The following SPOCK1 variants were observed in gnomAD, a reference collection of about 807,000 sequenced individuals.
The protein encoded by SPOCK1 is testican-1.
SPOCK1 carries 23 observed loss-of-function variants against 55.3 expected under a neutral mutation model. The observed-to-expected ratio is 0.42, with a 90% CI of 0.30 to 0.59. SPOCK1 has a LOEUF of 0.59. Among genes scored for constraint, SPOCK1 ranks in the 20% least tolerant of loss-of-function variants. The pLI is 0.22. For synonymous variants in SPOCK1, 226 were observed against 221.0 expected (o/e 1.02, Z -0.20); for missense variants, 499 against 552.5 (o/e 0.90, Z 0.97).
chr5:137,244,190 A>G (rs1179263297), intron 3 of SPOCK1, among the ~76,000 whole-genome samples: 1 of 152,252 alleles, frequency 6.6e-6, no homozygotes, highest in African/African-American at 2.4e-5. Flanking sequence ...ACTATATTAC[A>G]TTCAATAGAG....
chr5:137,337,567 C>T lies in SPOCK1; in HGVS notation c.187-70512G>A, dbSNP rs144234383. Reference sequence around the variant, plus strand: ...CTTCCGGACATTCTGACTAAAGACACCTAATAACTCAAGTTACAGGATCAG... The same window carrying T: ...CTTCCGGACATTCTGACTAAAGACATCTAATAACTCAAGTTACAGGATCAG... On this transcript the variant is annotated intron_variant, in intron 2 of 10. Transcript: ENST00000394945. Among the ~76,000 whole-genome samples the T allele has an allele frequency of 2.0e-4, 31 of 152,290 alleles. 1 individual carries two copies. The East Asian group carries it at 5.6e-3, about 28-fold the overall frequency.
At chr5:137,137,502 C>A (rs1315438248) in intron 4 of SPOCK1, among the ~76,000 whole-genome samples, 1 of 152,192 alleles carries the variant, frequency 6.6e-6, no homozygotes, top group African/African-American at 2.4e-5. Context: ...CTGGACATAA[C>A]AACCACAACA....
intron 3 of SPOCK1, among the ~76,000 whole-genome samples, chr5:137,158,405 G>A (rs185150587): frequency 2.6e-5 from 4 of 152,276 alleles, no homozygotes; most frequent in South Asian, 4.2e-4. Flanking sequence ...TGTTGCTAAC[G>A]TCCAAAGAAC....
At chr5:137,337,796 T>C (rs1229701617) in intron 2 of SPOCK1, among the ~76,000 whole-genome samples, 1 of 152,234 alleles carries the variant, frequency 6.6e-6, no homozygotes, top group Non-Finnish European at 1.5e-5. Context: ...AGTTTCTCCT[T>C]GTCATTGAAG....
At chr5:137,333,333 A>C (rs1384806264) in intron 2 of SPOCK1, among the ~76,000 whole-genome samples, 2 of 152,190 alleles carry the variant, frequency 1.3e-5, no homozygotes, top group Non-Finnish European at 2.9e-5. Context: ...AGTGAACATG[A>C]TGTCCTAGAA....
At chr5:137,251,989 AAGCTC>A (rs11280104) in intron 3 of SPOCK1, among the ~76,000 whole-genome samples, 10,205 of 151,968 alleles carry the variant, frequency 0.067, 1,035 homozygotes, top group African/African-American at 0.22. Flanking sequence ...GTGCAATCTC[AAGCTC>A]AGCTCACTGC....
At chr5:137,011,554 A>G (rs1429939916) in intron 6 of SPOCK1, among the ~76,000 whole-genome samples, 1 of 152,196 alleles carries the variant, frequency 6.6e-6, no homozygotes. Context: ...TTGTGTTCAC[A>G]AAGGATTGCA....
chr5:137,082,450 G>C lies in SPOCK1; in HGVS notation c.475-14621C>G, dbSNP rs575979507. On this transcript the variant is annotated intron_variant, in intron 5 of 10. Coordinates refer to ENST00000394945, the MANE Select transcript of SPOCK1 (RefSeq NM_004598.4). ...CTTATGGAGAAAGATCCACAGAGAA[G>C]CAGGTGGCATGGGTGCAGTCAAGAG... Among the ~76,000 whole-genome samples, 409 of 152,328 alleles carry C rather than the reference G, an allele frequency of 2.7e-3. 3 individuals are homozygous for C. The highest frequency in any genetic ancestry group is 9.2e-3 in the African/African-American group (381 of 41,566).
chr5:137,326,342 T>C (rs1758077010), intron 2 of SPOCK1, among the ~76,000 whole-genome samples: 2 of 152,194 alleles, frequency 1.3e-5, no homozygotes, highest in Non-Finnish European at 2.9e-5. Context: ...ATTCGATTCT[T>C]AGGCTATAAC....
At chr5:137,066,882 TA>T (rs1752513066) in intron 6 of SPOCK1, among the ~76,000 whole-genome samples, 2 of 151,988 alleles carry the variant, frequency 1.3e-5, no homozygotes, top group African/African-American at 4.8e-5. Flanking sequence ...ACATAGCTTA[TA>T]AAGAGCCAGA....
At chr5:137,138,148 C>G (rs1338355842) in intron 4 of SPOCK1, among the ~76,000 whole-genome samples, 1 of 152,108 alleles carries the variant, frequency 6.6e-6, no homozygotes, top group African/African-American at 2.4e-5. Flanking sequence ...AATAACTTGC[C>G]AAGGCCACTT....
At chr5:137,344,896 G>A (rs2127157913) in intron 2 of SPOCK1, among the ~76,000 whole-genome samples, 1 of 152,294 alleles carries the variant, frequency 6.6e-6, no homozygotes, top group East Asian at 1.9e-4. Flanking sequence ...CCAAAATGAT[G>A]GGCTTGCAAT....
chr5:137,160,408 AAT>A (rs1215924310), intron 3 of SPOCK1, among the ~76,000 whole-genome samples: 13 of 124,666 alleles, frequency 1.0e-4, no homozygotes, highest in Middle Eastern at 7.7e-3. Flanking sequence ...AAATATATGA[AAT>A]ATATATATAA....
Position 137,312,594 on chromosome 5 carries a change from T to G in SPOCK1, c.187-45539A>C, listed in dbSNP as rs576540951. ...TTACGAATTATATTATTCCAAGAAGTGCCAATGCAGGAGCCCACAGCTGTC... is the reference window on the plus strand; with the variant it reads ...TTACGAATTATATTATTCCAAGAAGGGCCAATGCAGGAGCCCACAGCTGTC... On this transcript the variant is annotated intron_variant, in intron 2 of 10. Transcript: ENST00000394945. 2.0e-5 allele frequency among the ~76,000 whole-genome samples: 3 copies of G among 152,260 alleles called. No individual in the cohort carries two copies. In the East Asian group the frequency reaches 5.8e-4, roughly 29 times the overall value.
intron 3 of SPOCK1, among the ~76,000 whole-genome samples, chr5:137,164,841 G>C (rs1458211201): frequency 2.0e-5 from 3 of 152,200 alleles, no homozygotes; most frequent in Non-Finnish European, 2.9e-5. Flanking sequence ...CCTTTGGAAA[G>C]GGGAGGGAAG....
chr5:137,036,596 A>T (rs1020280946), intron 6 of SPOCK1, among the ~76,000 whole-genome samples: 5 of 152,222 alleles, frequency 3.3e-5, no homozygotes, highest in African/African-American at 1.2e-4. Context: ...CAATGAATGA[A>T]TGAGTGATTG....
chr5:137,368,738 A>G (rs1343234034), intron 2 of SPOCK1, among the ~76,000 whole-genome samples: 3 of 151,926 alleles, frequency 2.0e-5, no homozygotes, highest in Non-Finnish European at 4.4e-5. Flanking sequence ...TCCCTTCCCC[A>G]CAGCCCTGTC....
At chr5:137,335,107 C>A (rs897559814) in intron 2 of SPOCK1, among the ~76,000 whole-genome samples, 1 of 152,140 alleles carries the variant, frequency 6.6e-6, no homozygotes, top group African/African-American at 2.4e-5. Flanking sequence ...GAAATGTTCC[C>A]AAACTGGATT....
At chr5:137,180,220 T>C (rs1273109951) in intron 3 of SPOCK1, among the ~76,000 whole-genome samples, 2 of 152,144 alleles carry the variant, frequency 1.3e-5, no homozygotes, top group African/African-American at 2.4e-5. Context: ...ACACAGCACA[T>C]GCAAGCACTT....
Sources: gnomAD v4.1 joint callset for allele counts (sites outside exome capture counted in the v4.1 genomes callset) on GRCh38, gnomAD v4.1.1 for gene constraint, MANE v1.5 for transcripts, NCBI Gene and HGNC (gene_info 2026-07-23, HGNC 2026-07-21) for gene names.